Variants in LRRTM4 observed in about 807,000 individuals in gnomAD.
LRRTM4 encodes the protein leucine-rich repeat transmembrane neuronal protein 4.
LRRTM4 carries 25 observed loss-of-function variants against 47.6 expected under a neutral mutation model. That is an observed-to-expected ratio of 0.53 (90% CI 0.38 to 0.73). LRRTM4 has a LOEUF of 0.73. LRRTM4 is among the 30% of genes least tolerant of loss of function. The pLI is 0.00. For missense variants in LRRTM4, 638 were observed against 713.4 expected (o/e 0.89, Z 1.20); for synonymous variants, 311 against 269.5 (o/e 1.15, Z -1.51).
intron 3 of LRRTM4, among the ~76,000 whole-genome samples, chr2:77,412,125 C>T (rs779359947): frequency 4.6e-5 from 7 of 152,030 alleles, no homozygotes; most frequent in Non-Finnish European, 7.4e-5. Flanking sequence ...TTGCATTATT[C>T]GTAAGGGCCT....
intron 3 of LRRTM4, among the ~76,000 whole-genome samples, chr2:77,129,472 T>A (rs1671738748): frequency 6.6e-6 from 1 of 152,212 alleles, no homozygotes; most frequent in Non-Finnish European, 1.5e-5. Flanking sequence ...ATTATTTGAA[T>A]CTACTAATCA....
chr2:77,489,830 G>A (rs546239071), intron 3 of LRRTM4, among the ~76,000 whole-genome samples: 3 of 152,308 alleles, frequency 2.0e-5, no homozygotes, highest in South Asian at 2.1e-4. Context: ...AATATCAGAT[G>A]TGGAGAACTT....
chr2:77,009,218 TCAGATC>T (rs1677777890), intron 3 of LRRTM4: 1 of 152,096 alleles, frequency 6.6e-6, no homozygotes. Context: ...GGAAAAAATG[TCAGATC>T]CAGTGAATTT....
At chr2:76,993,106 T>C (rs1021477657) in intron 3 of LRRTM4, among the ~76,000 whole-genome samples, 12 of 151,886 alleles carry the variant, frequency 7.9e-5, no homozygotes, top group African/African-American at 2.9e-4. Flanking sequence ...CCTTTCTGTG[T>C]ATATAAAAAT....
At chr2:77,449,561 C>A (rs1676177463) in intron 3 of LRRTM4, among the ~76,000 whole-genome samples, 1 of 152,170 alleles carries the variant, frequency 6.6e-6, no homozygotes, top group South Asian at 2.1e-4. Flanking sequence ...ATTTCCCAGT[C>A]TCTCTTATTA....
chr2:77,242,152 T>C (rs1174298587), intron 3 of LRRTM4, among the ~76,000 whole-genome samples: 1 of 152,188 alleles, frequency 6.6e-6, no homozygotes, highest in Admixed American at 6.5e-5. Flanking sequence ...AATTTTATGA[T>C]GAATCTTTCT....
At chr2:76,863,476 A>G (rs1300628869) in intron 3 of LRRTM4, among the ~76,000 whole-genome samples, 1 of 152,158 alleles carries the variant, frequency 6.6e-6, no homozygotes. Flanking sequence ...GTGTTTCCAC[A>G]TCAGAAAATC....
intron 3 of LRRTM4, among the ~76,000 whole-genome samples, chr2:76,802,120 C>A (rs562062470): frequency 6.6e-6 from 1 of 151,544 alleles, no homozygotes; most frequent in African/African-American, 2.4e-5. Flanking sequence ...AGTCCTAGCC[C>A]GAGCAATTAG....
In LRRTM4 at chr2:76,798,106, G is replaced by A. The variant is rs533773007; in HGVS notation, c.1552-49190C>T. Among the ~76,000 whole-genome samples the A allele has an allele frequency of 6.6e-5, 10 of 151,860 alleles. No homozygotes were observed. The South Asian group carries it at 1.2e-3, about 19-fold the overall frequency. The stretch of plus-strand genomic sequence containing the variant: ...AGCTCTGCAGCAAGCAGACCTAATA[G>A]ACATCTACTGAACTCTCCACACCAA... On this transcript the variant is annotated intron_variant, in intron 3 of 3. Coordinates refer to ENST00000409884, the MANE Select transcript of LRRTM4 (RefSeq NM_001134745.3).
At chr2:76,928,948 T>A (rs1674677821) in intron 3 of LRRTM4, among the ~76,000 whole-genome samples, 1 of 152,146 alleles carries the variant, frequency 6.6e-6, no homozygotes, top group Non-Finnish European at 1.5e-5. Flanking sequence ...AAGCTCTATG[T>A]AATATAGTAT....
intron 3 of LRRTM4, among the ~76,000 whole-genome samples, chr2:77,049,783 TGTTTA>T (rs1461830021): frequency 6.6e-6 from 1 of 152,126 alleles, no homozygotes; most frequent in Non-Finnish European, 1.5e-5. Context: ...GTGCAGAAGC[TGTTTA>T]GTTTGATATA....
intron 3 of LRRTM4, among the ~76,000 whole-genome samples, chr2:76,783,726 A>G (rs1674518315): frequency 6.6e-6 from 1 of 152,152 alleles, no homozygotes; most frequent in Non-Finnish European, 1.5e-5. Context: ...TGGCATCCCT[A>G]TTTCCCGTAC....
At chr2:76,767,636 C>T (rs973026691) in intron 3 of LRRTM4, among the ~76,000 whole-genome samples, 1 of 152,152 alleles carries the variant, frequency 6.6e-6, no homozygotes, top group Admixed American at 6.5e-5. Context: ...GGGTAGCATT[C>T]AAGGCAAGTC....
intron 3 of LRRTM4, among the ~76,000 whole-genome samples, chr2:77,419,896 T>C (rs913228678): frequency 1.3e-5 from 2 of 152,032 alleles, no homozygotes; most frequent in Non-Finnish European, 2.9e-5. Context: ...AGAAGAAACA[T>C]GATCGGTAAA....
At chr2:77,168,756 A>T (rs936059465) in intron 3 of LRRTM4, among the ~76,000 whole-genome samples, 2 of 152,082 alleles carry the variant, frequency 1.3e-5, no homozygotes, top group Non-Finnish European at 2.9e-5. Flanking sequence ...TCCATGTGGT[A>T]AACTTTTCAG....
intron 3 of LRRTM4, among the ~76,000 whole-genome samples, chr2:77,208,668 G>T (rs184652537): frequency 4.9e-4 from 75 of 152,180 alleles, no homozygotes; most frequent in African/African-American, 1.7e-3. Context: ...GTTGAGTCAG[G>T]GGACTTGGGG....
In LRRTM4 at chr2:76,798,363, C is replaced by G. The variant is rs575574618; in HGVS notation, c.1552-49447G>C. Among the ~76,000 whole-genome samples, 76 of 151,896 alleles carry G rather than the reference C, an allele frequency of 5.0e-4. 2 individuals are homozygous for G. Among genetic ancestry groups the G allele is most frequent in the African/African-American group, 1.4e-3 (56 of 41,440 alleles). ...TCCTGAATGACTACTGGGTACATAA[C>G]GAAATGAAGGCACAAATAAGGATGT... On this transcript the variant is annotated intron_variant, in intron 3 of 3. Coordinates refer to ENST00000409884, the MANE Select transcript of LRRTM4 (RefSeq NM_001134745.3).
At chr2:77,029,430 C>A (rs1678574523) in intron 3 of LRRTM4, among the ~76,000 whole-genome samples, 2 of 152,120 alleles carry the variant, frequency 1.3e-5, no homozygotes, top group East Asian at 3.9e-4. Flanking sequence ...GTCCAAGAGT[C>A]CAAAGGCTGA....
At chr2:77,289,046 G>A (rs920662387) in intron 3 of LRRTM4, among the ~76,000 whole-genome samples, 3 of 151,938 alleles carry the variant, frequency 2.0e-5, no homozygotes, top group Admixed American at 6.6e-5. Flanking sequence ...CTTATAATAC[G>A]GAGTTTATGT....
Sources: allele counts gnomAD v4.1 joint callset (sites outside exome capture counted in the v4.1 genomes callset), GRCh38; gene constraint gnomAD v4.1.1; transcripts MANE v1.5; gene names NCBI Gene and HGNC (gene_info 2026-07-23, HGNC 2026-07-21).